Variants in PTPRD observed in about 807,000 individuals in gnomAD.
PTPRD encodes the protein protein tyrosine phosphatase receptor type D, also known as receptor-type tyrosine-protein phosphatase delta.
Under a neutral mutation model 214.5 loss-of-function variants are expected in PTPRD, and 34 were observed. The ratio of observed to expected loss-of-function variants is 0.16; its 90% CI spans 0.12 to 0.21. The LOEUF is 0.21. PTPRD is among the 10% of genes least tolerant of loss of function. The pLI is 1.00. For synonymous variants in PTPRD, 1,128 were observed against 845.7 expected, an observed-to-expected ratio of 1.33 and a Z score of -5.79; for missense variants, 2,545 against 2,398.7, an observed-to-expected ratio of 1.06 and a Z score of -1.27.
intron 11 of PTPRD, among the ~76,000 whole-genome samples, chr9:8,763,939 ATAATT>A (rs2094555497): frequency 1.3e-5 from 2 of 152,224 alleles, no homozygotes; most frequent in South Asian, 4.1e-4. Flanking sequence ...TATTCTCTTG[ATAATT>A]TATTTTCAGA....
chr9:8,674,187 G>C (rs906180117), intron 12 of PTPRD, among the ~76,000 whole-genome samples: 4 of 152,098 alleles, frequency 2.6e-5, no homozygotes, highest in Admixed American at 2.0e-4. Context: ...AAAGCCTGAA[G>C]TTTGGCTCAT....
chr9:9,327,434 C>T (rs756702390), intron 9 of PTPRD, among the ~76,000 whole-genome samples: 8 of 151,962 alleles, frequency 5.3e-5, no homozygotes, highest in Non-Finnish European at 8.8e-5. Context: ...AAAAAATTTA[C>T]GTTTGTGGCA....
At chr9:9,487,207 C>G (rs2095681148) in intron 8 of PTPRD, among the ~76,000 whole-genome samples, 1 of 151,822 alleles carries the variant, frequency 6.6e-6, no homozygotes, top group East Asian at 1.9e-4. Context: ...CTATCCCTCC[C>G]CCTTCCCCCC....
chr9:10,480,636 T>A (rs547894433), intron 2 of PTPRD, among the ~76,000 whole-genome samples: 70 of 152,086 alleles, frequency 4.6e-4, no homozygotes, highest in African/African-American at 1.7e-3. Context: ...TATTAACATA[T>A]TTATACAATA....
intron 35 of PTPRD, among the ~76,000 whole-genome samples, chr9:8,415,512 T>C (rs1349830031): frequency 2.0e-5 from 3 of 152,228 alleles, no homozygotes; most frequent in Admixed American, 1.3e-4. Context: ...GAATATTAAA[T>C]GTAATTATGT....
At chr9:8,885,975 G>A (rs1211483614) in intron 11 of PTPRD, among the ~76,000 whole-genome samples, 1 of 152,002 alleles carries the variant, frequency 6.6e-6, no homozygotes, top group Non-Finnish European at 1.5e-5. Context: ...GCAGATTTTT[G>A]ATGAATTGCA....
chr9:9,636,728 A>G (rs1341889073), intron 7 of PTPRD, among the ~76,000 whole-genome samples: 2 of 152,230 alleles, frequency 1.3e-5, no homozygotes, highest in East Asian at 1.9e-4. Context: ...AGATTTCAAT[A>G]TATTTAGTTA....
At chr9:9,828,312 T>C (rs2053648465) in intron 5 of PTPRD, among the ~76,000 whole-genome samples, 1 of 152,146 alleles carries the variant, frequency 6.6e-6, no homozygotes, top group Admixed American at 6.6e-5. Flanking sequence ...CATCATGGAA[T>C]ACTATGCAGC....
chr9:10,391,093 T>C (rs2098053423), intron 2 of PTPRD, among the ~76,000 whole-genome samples: 1 of 151,838 alleles, frequency 6.6e-6, no homozygotes, highest in Non-Finnish European at 1.5e-5. Context: ...GGGATTGTGT[T>C]AAATTACTTG....
At position 8,500,807 on chromosome 9, in the gene PTPRD, T is replaced by A. The variant is rs1441601285; in HGVS notation, c.2075A>T (p.Asp692Val). 1 of 1,614,152 alleles carries A rather than the reference T, an allele frequency of 6.2e-7. No individual in the cohort carries two copies. The highest frequency in any genetic ancestry group is 2.2e-5 in the East Asian group (1 of 44,874). ...EYRITVTAHT[D>V]VGPGPESLSV... The stretch of plus-strand genomic sequence containing the variant: ...CAAGCTCTCAGGGCCAGGGCCGACA[T>A]CTGTATGGGCTGTCACAGTGATCCG... The change falls in exon 24 of 46, where the codon GAT becomes GTT. Residue 692 changes from aspartate (D) to valine (V), a missense_variant. By Grantham distance (152) the Asp-to-Val change is radical. Coordinates refer to ENST00000381196, the MANE Select transcript of PTPRD (RefSeq NM_002839.4).
chr9:8,513,149 T>C (rs965739403), intron 21 of PTPRD, among the ~76,000 whole-genome samples: 19 of 152,034 alleles, frequency 1.2e-4, no homozygotes, highest in African/African-American at 3.4e-4. Context: ...ACTGAGAAGA[T>C]TGACCCATAT....
chr9:9,234,077 T>C (rs1569565023), intron 9 of PTPRD, among the ~76,000 whole-genome samples: 1 of 152,156 alleles, frequency 6.6e-6, no homozygotes, highest in Non-Finnish European at 1.5e-5. Context: ...TAGCAGAGGT[T>C]CTCCATGAGG....
chr9:10,198,188 G>T (rs2099405361), intron 3 of PTPRD, among the ~76,000 whole-genome samples: 1 of 152,076 alleles, frequency 6.6e-6, no homozygotes, highest in South Asian at 2.1e-4. Flanking sequence ...TTGGAAGGAT[G>T]AACCTCATGC....
chr9:9,390,970 G>C (rs565581769), intron 9 of PTPRD, among the ~76,000 whole-genome samples: 2 of 152,236 alleles, frequency 1.3e-5, no homozygotes, highest in South Asian at 4.1e-4. Context: ...TTGCAAGATG[G>C]TGTTTATCAA....
At chr9:9,739,581 T>C (rs1377651595) in intron 6 of PTPRD, among the ~76,000 whole-genome samples, 2 of 151,902 alleles carry the variant, frequency 1.3e-5, no homozygotes, top group Admixed American at 1.3e-4. Context: ...AATCCTCTAT[T>C]TTTTTTACTT....
chr9:10,259,377 T>C (rs527522411), intron 3 of PTPRD, among the ~76,000 whole-genome samples: 2 of 152,276 alleles, frequency 1.3e-5, no homozygotes, highest in East Asian at 1.9e-4. Flanking sequence ...CTCACCAATA[T>C]GTGGTCATCA....
chr9:10,227,090 C>G (rs1330734559), intron 3 of PTPRD, among the ~76,000 whole-genome samples: 1 of 151,936 alleles, frequency 6.6e-6, no homozygotes, highest in African/African-American at 2.4e-5. Flanking sequence ...TATTGACTAT[C>G]ACACGAAAAA....
chr9:8,621,406 T>A (rs1362221912), intron 14 of PTPRD, among the ~76,000 whole-genome samples: 2 of 151,988 alleles, frequency 1.3e-5, no homozygotes, highest in Admixed American at 6.6e-5. Flanking sequence ...ATTTGTTTGT[T>A]TTTAAATAAT....
intron 3 of PTPRD, among the ~76,000 whole-genome samples, chr9:10,092,466 T>C (rs1393757870): frequency 6.6e-6 from 1 of 151,418 alleles, no homozygotes; most frequent in Non-Finnish European, 1.5e-5. Context: ...GTTTAAGTCA[T>C]ATTATATTAT....
Sources: allele counts gnomAD v4.1 joint callset (sites outside exome capture counted in the v4.1 genomes callset), GRCh38; gene constraint gnomAD v4.1.1; transcripts MANE v1.5; gene names NCBI Gene and HGNC (gene_info 2026-07-23, HGNC 2026-07-21).